The following AP3S2 variants were observed in gnomAD, a reference collection of about 807,000 sequenced individuals.
AP3S2 encodes the protein adaptor related protein complex 3 subunit sigma 2.
In AP3S2, 22 loss-of-function variants were observed where a neutral mutation model predicts 23.4. The ratio of observed to expected loss-of-function variants is 0.94; its 90% confidence interval spans 0.67 to 1.34. The LOEUF is 1.34. AP3S2 is among the 40% of genes most tolerant of loss of function. The pLI is 0.00. For synonymous variants in AP3S2, 86 were observed against 87.1 expected (o/e 0.99, Z 0.07); for missense variants, 241 against 236.9 (o/e 1.02, Z -0.11).
At chr15:89,853,299 T>G (rs1895706220) in intron 4 of AP3S2, among the ~76,000 whole-genome samples, 1 of 152,174 alleles carries the variant, frequency 6.6e-6, no homozygotes, top group Admixed American at 6.5e-5. Context: ...AATTCACCAT[T>G]TATTGAACTA....
chr15:89,851,833 T>A (rs927106165), intron 4 of AP3S2, among the ~76,000 whole-genome samples: 6 of 152,262 alleles, frequency 3.9e-5, no homozygotes, highest in Middle Eastern at 3.4e-3. Context: ...CTAGCAGGAC[T>A]TTTTCTTTCT....
intron 4 of AP3S2, among the ~76,000 whole-genome samples, chr15:89,867,029 T>C (rs1375462381): frequency 3.5e-3 from 292 of 84,556 alleles, no homozygotes; most frequent in East Asian, 0.019. Context: ...CCTCCCCCTC[T>C]CCCTCTCCCT....
At chr15:89,837,571 G>C (rs2141833743) in intron 5 of AP3S2, 44 bp downstream of exon 5, 3 of 1,612,448 alleles carry the variant, frequency 1.9e-6, no homozygotes, top group South Asian at 2.2e-5. Flanking sequence ...CTCTGCCCAG[G>C]TTTTCTCTAC....
chr15:89,853,077 C>A (rs527573604), intron 4 of AP3S2, among the ~76,000 whole-genome samples: 1 of 152,292 alleles, frequency 6.6e-6, no homozygotes, highest in African/African-American at 2.4e-5. Flanking sequence ...CTCAGTGTCA[C>A]TGAACTATCA....
chr15:89,891,655 GA>G lies in AP3S2; in HGVS notation c.69+2225del, dbSNP rs747247460. 6.1e-4 allele frequency among the ~76,000 whole-genome samples: 91 copies of G among 149,652 alleles called. 1 individual carries two copies. Among genetic ancestry groups the G allele is most frequent in the South Asian group, 4.3e-3 (20 of 4,668 alleles). On this transcript the variant is annotated intron_variant, in intron 1 of 5. Transcript: ENST00000336418. ...GGAGATAGAGTGAGATTCAGTCTCG[GA>G]GGGAAAAAAAAAAGCCACAGTGAGA...
In AP3S2 at chr15:89,884,650, CT is replaced by C. The variant is rs200193395; in HGVS notation, c.273+3870del. Among the ~76,000 whole-genome samples the C allele has an allele frequency of 3.0e-3, 428 of 141,858 alleles. 1 individual carries two copies. The highest frequency in any genetic ancestry group is 0.011 in the Middle Eastern group (3 of 284). The allele number at this position is 141,858 out of a possible 152,430, so 93.1% of individuals were successfully genotyped here. A position where few individuals can be genotyped will look rare whatever the true frequency, so the allele number is the denominator to read the frequency against. The stretch of plus-strand genomic sequence containing the variant: ...CGCAATATTTGACGAACATCTTCCC[CT>C]TTTTTTTTTTTTTTGAGATAGAGTC... On this transcript the variant is annotated intron_variant, in intron 3 of 5. Coordinates refer to ENST00000336418, the MANE Select transcript of AP3S2 (RefSeq NM_005829.5).
chr15:89,877,250 G>T, intron 3 of AP3S2: 1 of 1,136,160 alleles, frequency 8.8e-7, no homozygotes, highest in Non-Finnish European at 1.2e-6. Flanking sequence ...AGAGGAACGG[G>T]ATTGGGTTTC....
chr15:89,867,107 C>T (rs1896148669), intron 4 of AP3S2, among the ~76,000 whole-genome samples: 1 of 148,832 alleles, frequency 6.7e-6, no homozygotes, highest in East Asian at 2.1e-4. Flanking sequence ...CATCTCGGCT[C>T]ACTGCAACCT....
chr15:89,859,399 CT>C (rs58123055), intron 4 of AP3S2, among the ~76,000 whole-genome samples: 17 of 118,020 alleles, frequency 1.4e-4, no homozygotes, highest in South Asian at 5.2e-4. Flanking sequence ...TTCTTTCTTT[CT>C]TTTTTTTTTT....
chr15:89,844,274 TCTC>T, intron 4 of AP3S2, among the ~76,000 whole-genome samples: 1 of 17,754 alleles, frequency 5.6e-5, no homozygotes, highest in Admixed American at 8.5e-4. Context: ...TTTCTTTCTC[TCTC>T]TCTCTCTTTC....
chr15:89,883,280 C>T (rs950671706), intron 3 of AP3S2, among the ~76,000 whole-genome samples: 6 of 152,072 alleles, frequency 3.9e-5, no homozygotes, highest in Admixed American at 1.3e-4. Context: ...GTCCATAATC[C>T]GGCCACCTTA....
At chr15:89,854,392 TGG>T (rs1895754156) in intron 4 of AP3S2, among the ~76,000 whole-genome samples, 1 of 29,628 alleles carries the variant, frequency 3.4e-5, no homozygotes, top group Non-Finnish European at 6.5e-5. Context: ...GGGAGGGAGG[TGG>T]GGGGGTCAGC....
At position 89,835,442 on chromosome 15, in the gene AP3S2, C is replaced by A. The variant is rs567976548; in HGVS notation, c.*73G>T. On this transcript the variant is annotated 3_prime_UTR_variant, in exon 6 of 6. Coordinates refer to ENST00000336418, the MANE Select transcript of AP3S2 (RefSeq NM_005829.5). ...ACTCTTCTAAGGCTCAAAATGGGTTCTGTTTCCAGACGTGCTTGCCTTGCT... is the reference window on the plus strand; with the variant it reads ...ACTCTTCTAAGGCTCAAAATGGGTTATGTTTCCAGACGTGCTTGCCTTGCT... 1,084 of 1,592,744 alleles carry A rather than the reference C, an allele frequency of 6.8e-4. 1 individual carries two copies. The highest frequency in any genetic ancestry group is 8.7e-4 in the Non-Finnish European group (1,014 of 1,168,468).
chr15:89,842,749 A>T (rs1473482016), intron 4 of AP3S2, among the ~76,000 whole-genome samples: 1 of 151,982 alleles, frequency 6.6e-6, no homozygotes, highest in East Asian at 1.9e-4. Context: ...AGTAGCTGGG[A>T]CTATAGGCAT....
chr15:89,848,609 C>G (rs1485069490), intron 4 of AP3S2: 2 of 152,312 alleles, frequency 1.3e-5, no homozygotes, highest in Non-Finnish European at 2.9e-5. Flanking sequence ...ATCCGCCTGC[C>G]TTGGCCTCCC....
intron 4 of AP3S2, among the ~76,000 whole-genome samples, chr15:89,839,653 A>G (rs1188232756): frequency 6.6e-6 from 1 of 152,188 alleles, no homozygotes; most frequent in African/African-American, 2.4e-5. Flanking sequence ...CAGCAATTCC[A>G]CTTTTGGATA....
intron 1 of AP3S2, 38 bp from the exon 2 acceptor site, chr15:89,889,178 C>A (rs1039576840): frequency 1.2e-6 from 2 of 1,611,896 alleles, no homozygotes; most frequent in Non-Finnish European, 8.5e-7. Context: ...GTGGGCAAGC[C>A]TGAAAAACTA....
chr15:89,874,226 A>G (rs1896389534), intron 3 of AP3S2, among the ~76,000 whole-genome samples: 1 of 151,252 alleles, frequency 6.6e-6, no homozygotes, highest in African/African-American at 2.4e-5. Flanking sequence ...TCTATGTTAG[A>G]GGTTTTCCGC....
At chr15:89,844,224 T>C (rs566061879) in intron 4 of AP3S2, among the ~76,000 whole-genome samples, 1 of 37,580 alleles carries the variant, frequency 2.7e-5, no homozygotes, top group African/African-American at 1.0e-4. Flanking sequence ...TCTTTCTTTC[T>C]TTCTTTCTTT....
Sources: allele counts gnomAD v4.1 joint callset (sites outside exome capture counted in the v4.1 genomes callset), GRCh38; gene constraint gnomAD v4.1.1; transcripts MANE v1.5; gene names NCBI Gene and HGNC (gene_info 2026-07-23, HGNC 2026-07-21).